MPDZ: variants seen among roughly 807,000 people sequenced by gnomAD.
MPDZ encodes the protein multiple PDZ domain protein.
A neutral mutation model predicts 239.1 loss-of-function variants in MPDZ; 234 were observed. The ratio of observed to expected loss-of-function variants is 0.98; its 90% confidence interval spans 0.88 to 1.09. The LOEUF is 1.09. MPDZ is among the 50% of genes least tolerant of loss of function. MPDZ has a pLI of 0.00. For missense variants in MPDZ, 3,175 were observed against 2,510.0 expected (o/e 1.26, Z -5.66); for synonymous variants, 1,048 against 881.3 (o/e 1.19, Z -3.35).
At chr9:13,260,893 C>T (rs1359190030) in intron 1 of MPDZ, among the ~76,000 whole-genome samples, 1 of 152,140 alleles carries the variant, frequency 6.6e-6, no homozygotes, top group East Asian at 1.9e-4. Context: ...GCAGCCCAAG[C>T]TGACAAATAC....
intron 23 of MPDZ, 39 bp downstream of exon 23, chr9:13,162,652 C>T: frequency 7.3e-7 from 1 of 1,372,812 alleles, no homozygotes; most frequent in African/African-American, 1.4e-5. Flanking sequence ...CTACAACTTG[C>T]TGTACCATTC....
chr9:13,189,068 G>GT (rs1954544709), intron 16 of MPDZ, 75 bp from the exon 17 acceptor site: 17 of 1,256,680 alleles, frequency 1.4e-5, no homozygotes, highest in Non-Finnish European at 1.8e-5. Context: ...ACTCTAAATC[G>GT]TAACGAATGA....
In MPDZ at chr9:13,108,179, A is replaced by C. The variant is rs1483125287; in HGVS notation, c.6066+757T>G. On this transcript the variant is annotated intron_variant, in intron 46 of 46. Coordinates refer to ENST00000319217, the MANE Select transcript of MPDZ (RefSeq NM_001378778.1). Reference sequence around the variant, plus strand: ...AGTTTTGTTTCTTTTGACACTGTAAAATTTTGAGATTCTAAATTTTTCCCT... The same window carrying C: ...AGTTTTGTTTCTTTTGACACTGTAACATTTTGAGATTCTAAATTTTTCCCT... Among the ~76,000 whole-genome samples the C allele has an allele frequency of 2.0e-5, 3 of 152,234 alleles. No individual in the cohort carries two copies. In the East Asian group the frequency reaches 5.8e-4, roughly 29 times the overall value.
rs1941442822 is a variant in MPDZ, at chr9:13,106,183, T to C, written c.*782A>G. ...TGTTCCTCTATGGTTAGCAGCATAGTTGCTTTCTAGAAAAACCATAGTCAA... is the reference window on the plus strand; with the variant it reads ...TGTTCCTCTATGGTTAGCAGCATAGCTGCTTTCTAGAAAAACCATAGTCAA... On this transcript the variant is annotated 3_prime_UTR_variant, in exon 47 of 47. Transcript: ENST00000319217. 1 of 152,196 alleles carries C rather than the reference T, an allele frequency of 6.6e-6. No individual in the cohort carries two copies. Among genetic ancestry groups the C allele is most frequent in the Non-Finnish European group, 1.5e-5 (1 of 68,032 alleles). 9.4% of individuals were successfully genotyped at this position (152,196 alleles called of 1,614,324 possible). A position where few individuals can be genotyped will look rare whatever the true frequency, so the allele number is the denominator to read the frequency against.
chr9:13,240,580 T>TAA (rs71331533), intron 3 of MPDZ, among the ~76,000 whole-genome samples: 1,876 of 44,028 alleles, frequency 0.043, 326 homozygotes, highest in Admixed American at 0.078. Flanking sequence ...ATAATAAAAG[T>TAA]AAAAAAAAAA....
At chr9:13,172,096 T>C (rs1293922518) in intron 21 of MPDZ, among the ~76,000 whole-genome samples, 3 of 152,340 alleles carry the variant, frequency 2.0e-5, no homozygotes, top group Non-Finnish European at 2.9e-5. Context: ...CGAAGTGCTA[T>C]AGAAATCTGA....
chr9:13,273,168 T>C (rs752907232), intron 1 of MPDZ, among the ~76,000 whole-genome samples: 1 of 152,136 alleles, frequency 6.6e-6, no homozygotes, highest in Non-Finnish European at 1.5e-5. Context: ...CCTCCAGAAC[T>C]ATGAGAAATA....
intron 23 of MPDZ, among the ~76,000 whole-genome samples, chr9:13,158,960 T>C (rs7847496): frequency 0.012 from 1,828 of 152,324 alleles, 43 homozygotes; most frequent in African/African-American, 0.042. Flanking sequence ...TAAAGAAATA[T>C]GTCCACATAT....
At chr9:13,160,943 G>C (rs1950410583) in intron 23 of MPDZ, among the ~76,000 whole-genome samples, 1 of 139,748 alleles carries the variant, frequency 7.2e-6, no homozygotes. Flanking sequence ...AAACTATATG[G>C]GAGAATGTGC....
chr9:13,173,895 G>C (rs1269455480), intron 21 of MPDZ, among the ~76,000 whole-genome samples: 1 of 152,108 alleles, frequency 6.6e-6, no homozygotes, highest in Non-Finnish European at 1.5e-5. Context: ...GGATAAGGCA[G>C]TAGATGGCTG....
Position 13,227,417 on chromosome 9 carries a change from T to G in MPDZ, c.184-2834A>C, listed in dbSNP as rs148651468. On this transcript the variant is annotated intron_variant, in intron 3 of 46. Transcript: ENST00000319217. Reference sequence around the variant, plus strand: ...GAGCCATGGCAACTTCAATAAAGTTTGCCAGCAGAAGACACGCAGCTCAGG... The same window carrying G: ...GAGCCATGGCAACTTCAATAAAGTTGGCCAGCAGAAGACACGCAGCTCAGG... Among the ~76,000 whole-genome samples the G allele has an allele frequency of 6.0e-4, 91 of 152,204 alleles. No homozygotes were observed. The East Asian group carries it at 0.016, about 28-fold the overall frequency.
At chr9:13,130,955 T>C (rs1270810929) in intron 32 of MPDZ, among the ~76,000 whole-genome samples, 1 of 152,180 alleles carries the variant, frequency 6.6e-6, no homozygotes, top group Non-Finnish European at 1.5e-5. Flanking sequence ...CAATTCCAGC[T>C]CTACTATTTG....
chr9:13,206,121 A>G (rs1248530400), intron 10 of MPDZ, 22 bp from the exon 11 acceptor site: 2 of 1,505,930 alleles, frequency 1.3e-6, no homozygotes, highest in East Asian at 4.6e-5. Context: ...AAAAAAAAAA[A>G]GCATGTTACA....
At chr9:13,144,686 C>G (rs1948199180) in intron 26 of MPDZ, among the ~76,000 whole-genome samples, 1 of 152,050 alleles carries the variant, frequency 6.6e-6, no homozygotes, top group African/African-American at 2.4e-5. Flanking sequence ...AAAGCTTATG[C>G]CACATTACCC....
chr9:13,180,242 A>G (rs1055207650), intron 19 of MPDZ, among the ~76,000 whole-genome samples: 2 of 152,226 alleles, frequency 1.3e-5, no homozygotes, highest in African/African-American at 4.8e-5. Context: ...ATAATTTGTA[A>G]GAATGTTCAG....
At chr9:13,118,171 A>C (rs1943784590) in intron 39 of MPDZ, among the ~76,000 whole-genome samples, 2 of 152,138 alleles carry the variant, frequency 1.3e-5, no homozygotes, top group South Asian at 4.1e-4. Flanking sequence ...GACTGGTTTA[A>C]AAATTATTTA....
chr9:13,125,868 G>T (rs1204757051), intron 34 of MPDZ, among the ~76,000 whole-genome samples: 1 of 152,104 alleles, frequency 6.6e-6, no homozygotes, highest in Non-Finnish European at 1.5e-5. Context: ...AGATTTATGG[G>T]TTAAAGGATC....
chr9:13,183,172 A>G (rs968038426), intron 19 of MPDZ, among the ~76,000 whole-genome samples: 2 of 152,062 alleles, frequency 1.3e-5, no homozygotes, highest in East Asian at 1.9e-4. Flanking sequence ...TGCAAACCCT[A>G]ATCAAAGCTT....
intron 1 of MPDZ, among the ~76,000 whole-genome samples, chr9:13,259,500 C>G (rs979481452): frequency 6.6e-6 from 1 of 152,060 alleles, no homozygotes; most frequent in Non-Finnish European, 1.5e-5. Context: ...TGGGAACTCA[C>G]GTACAAGTGA....
Sources: allele counts gnomAD v4.1 joint callset (sites outside exome capture counted in the v4.1 genomes callset), GRCh38; gene constraint gnomAD v4.1.1; transcripts MANE v1.5; gene names NCBI Gene and HGNC (gene_info 2026-07-23, HGNC 2026-07-21).